Variants in EPHA4 observed in about 807,000 individuals in gnomAD.
EPHA4 encodes the protein EPH receptor A4, also known as ephrin type-A receptor 4.
Under a neutral mutation model 108.3 loss-of-function variants are expected in EPHA4, and 19 were observed. The ratio of observed to expected loss-of-function variants is 0.18; its 90% CI spans 0.12 to 0.26. The LOEUF is 0.26. EPHA4 is among the 10% of genes least tolerant of loss of function. EPHA4 has a pLI of 1.00. For synonymous variants in EPHA4, 449 were observed against 455.5 expected (o/e 0.99, Z 0.18); for missense variants, 917 against 1,254.0 (o/e 0.73, Z 4.06).
At chr2:221,493,540 A>T (rs1357135019) in intron 4 of EPHA4, among the ~76,000 whole-genome samples, 2 of 152,236 alleles carry the variant, frequency 1.3e-5, no homozygotes, top group Non-Finnish European at 2.9e-5. Flanking sequence ...ATTTGCATTC[A>T]AATTTTCACA....
intron 11 of EPHA4, among the ~76,000 whole-genome samples, chr2:221,438,655 C>T (rs940521783): frequency 3.3e-5 from 5 of 151,820 alleles, no homozygotes; most frequent in Non-Finnish European, 7.4e-5. Context: ...GGGTGCAGTA[C>T]GCACTTGCAG....
At chr2:221,510,550 G>C (rs564600382) in intron 3 of EPHA4, among the ~76,000 whole-genome samples, 1 of 152,272 alleles carries the variant, frequency 6.6e-6, no homozygotes, top group African/African-American at 2.4e-5. Flanking sequence ...TGCTGAAAAT[G>C]GATTTGCTCT....
intron 5 of EPHA4, among the ~76,000 whole-genome samples, chr2:221,476,128 G>T (rs1366339995): frequency 6.6e-6 from 1 of 152,182 alleles, no homozygotes; most frequent in African/African-American, 2.4e-5. Context: ...GCTGAGGCAT[G>T]AGAATCGCTG....
rs768468113 is a variant in EPHA4 at position 221,563,994 on chromosome 2, T to C, written c.560A>G (p.Asp187Gly). Residue 187 changes from aspartate (D) to glycine (G), a missense_variant, in exon 3 of 18, where the codon GAT (aspartate) becomes GGT (glycine). Transcript: ENST00000281821. ...TACCAGGGCGATGCAGGCCCCCACA[T>C]CCTGAAAAGCCAGGTAAAACCCCTT... is the stretch of plus-strand genomic sequence containing the variant. ...SKKGFYLAFQ[D>G]VGACIALVSV... 2.5e-6 allele frequency: 4 copies of C among 1,613,708 alleles called. No individual in the cohort carries two copies. The highest frequency in any genetic ancestry group is 3.4e-6 in the Non-Finnish European group (4 of 1,179,964).
intron 3 of EPHA4, among the ~76,000 whole-genome samples, chr2:221,555,819 G>T (rs1694288139): frequency 6.6e-6 from 1 of 152,122 alleles, no homozygotes; most frequent in Non-Finnish European, 1.5e-5. Context: ...TTTTTAAAAA[G>T]CCAAGAGCTA....
Position 221,568,615 on chromosome 2 carries a change from A to C in EPHA4, c.159+103T>G, listed in dbSNP as rs1270630688. The C allele has an allele frequency of 4.8e-6, 4 of 838,130 alleles. No homozygotes were observed. The African/African-American group carries it at 5.1e-5, about 11-fold the overall frequency. The allele number at this position is 838,130 out of a possible 1,614,324, so 51.9% of individuals were successfully genotyped here. ...CTTCATAGGCCACAGCGGAAATCTG[A>C]CCCCCTCACCACAATCAACAAGAAT... On this transcript the variant is annotated intron_variant, in intron 2 of 17. Transcript: ENST00000281821.
intron 3 of EPHA4, among the ~76,000 whole-genome samples, chr2:221,545,845 A>G (rs1375363212): frequency 6.6e-6 from 1 of 152,132 alleles, no homozygotes; most frequent in African/African-American, 2.4e-5. Flanking sequence ...TTAATCCACA[A>G]GATTCTACAC....
chr2:221,457,151 G>A (rs1234430567), intron 6 of EPHA4, among the ~76,000 whole-genome samples: 1 of 152,152 alleles, frequency 6.6e-6, no homozygotes, highest in African/African-American at 2.4e-5. Flanking sequence ...AATGTAAAAT[G>A]TGTTGTAACA....
Position 221,482,704 on chromosome 2 carries a change from A to T in EPHA4, c.980-14T>A, listed in dbSNP as rs1691861504. 1.3e-6 allele frequency: 2 copies of T among 1,574,816 alleles called. No individual in the cohort carries two copies. The highest frequency in any genetic ancestry group is 8.7e-7 in the Non-Finnish European group (1 of 1,155,176). The stretch of plus-strand genomic sequence containing the variant: ...CAGATGGTGGACCTGGAGAAAGAAA[A>T]CCACATCATCACACCAAGAACCGAA... On this transcript the variant is annotated splice_polypyrimidine_tract_variant and intron_variant, in intron 4 of 17. Transcript: ENST00000281821.
At chr2:221,516,199 G>A (rs1418341496) in intron 3 of EPHA4, among the ~76,000 whole-genome samples, 1 of 152,116 alleles carries the variant, frequency 6.6e-6, no homozygotes. Context: ...TCTGTGAAAA[G>A]GGGACCTGGA....
At chr2:221,483,007 T>A (rs192907583) in intron 4 of EPHA4, among the ~76,000 whole-genome samples, 1 of 152,320 alleles carries the variant, frequency 6.6e-6, no homozygotes, top group Non-Finnish European at 1.5e-5. Context: ...TCATAATTTA[T>A]CTGTTCCATC....
At chr2:221,439,846 C>CAAAAGTGAG (rs1690361615) in intron 11 of EPHA4, among the ~76,000 whole-genome samples, 1 of 152,156 alleles carries the variant, frequency 6.6e-6, no homozygotes, top group African/African-American at 2.4e-5. Context: ...GAGGGTCATG[C>CAAAAGTGAG]GGAGAATTTA....
intron 3 of EPHA4, among the ~76,000 whole-genome samples, chr2:221,527,247 T>C (rs1294195820): frequency 6.6e-6 from 1 of 152,236 alleles, no homozygotes; most frequent in African/African-American, 2.4e-5. Context: ...AGGATTCTTA[T>C]TAATAACCCT....
intron 11 of EPHA4, among the ~76,000 whole-genome samples, chr2:221,438,152 C>T (rs886273110): frequency 6.6e-6 from 1 of 151,998 alleles, no homozygotes; most frequent in Non-Finnish European, 1.5e-5. Context: ...AATACTAGAA[C>T]ATCCTTATTT....
chr2:221,515,958 G>GA (rs769896728), intron 3 of EPHA4, among the ~76,000 whole-genome samples: 1 of 93,794 alleles, frequency 1.1e-5, no homozygotes, highest in Non-Finnish European at 2.0e-5. Context: ...CAGATTTGAA[G>GA]GGAAAAAAAA....
At chr2:221,432,975 CCA>C (rs1690125341) in intron 14 of EPHA4, among the ~76,000 whole-genome samples, 1 of 152,028 alleles carries the variant, frequency 6.6e-6, no homozygotes. Context: ...CAGGCACCCA[CCA>C]CTATGCCCGG....
rs373144520 is a variant in EPHA4 at position 221,443,486 on chromosome 2, C to T, written c.1888+7G>A. On this transcript the variant is annotated splice_region_variant and intron_variant, in intron 10 of 17. Coordinates refer to ENST00000281821, the MANE Select transcript of EPHA4 (RefSeq NM_004438.5). ...ACTCATTAGCAGACGGACACTCAGA[C>T]ACTTACCAACTCCTATAACTTTTTC... 1.2e-5 allele frequency: 20 copies of T among 1,605,060 alleles called. No homozygotes were observed. Among genetic ancestry groups the T allele is most frequent in the Non-Finnish European group, 1.7e-5 (20 of 1,172,152 alleles).
intron 3 of EPHA4, among the ~76,000 whole-genome samples, chr2:221,557,157 C>G (rs889845231): frequency 6.6e-6 from 1 of 152,158 alleles, no homozygotes; most frequent in Non-Finnish European, 1.5e-5. Context: ...GGGAACATAG[C>G]TGGACCACAT....
intron 8 of EPHA4, among the ~76,000 whole-genome samples, chr2:221,449,503 A>G (rs1331604038): frequency 6.6e-6 from 1 of 152,210 alleles, no homozygotes; most frequent in East Asian, 1.9e-4. Context: ...CTCCAGAAGG[A>G]AACATGGACC....
Sources: allele counts gnomAD v4.1 joint callset (sites outside exome capture counted in the v4.1 genomes callset), GRCh38; gene constraint gnomAD v4.1.1; transcripts MANE v1.5; gene names NCBI Gene and HGNC (gene_info 2026-07-23, HGNC 2026-07-21).